SEMA5A: variants seen among roughly 807,000 people sequenced by gnomAD.
SEMA5A encodes semaphorin 5A.
SEMA5A carries 55 observed loss-of-function variants against 135.5 expected under a neutral mutation model. The observed-to-expected ratio is 0.41, with a 90% CI of 0.33 to 0.51. The LOEUF is 0.51. Among genes scored for constraint, SEMA5A ranks in the 20% least tolerant of loss-of-function variants. The pLI, the probability that SEMA5A is intolerant of heterozygous loss-of-function variation, is 0.37. For synonymous variants in SEMA5A, 580 were observed against 546.5 expected, an observed-to-expected ratio of 1.06 and a Z score of -0.85; for missense variants, 1,290 against 1,419.9, an observed-to-expected ratio of 0.91 and a Z score of 1.47.
Position 9,405,840 on chromosome 5 carries a change from G to A in SEMA5A, c.-77-25817C>T, listed in dbSNP as rs116128046. On this transcript the variant is annotated intron_variant, in intron 2 of 22. Transcript: ENST00000382496. The stretch of plus-strand genomic sequence containing the variant: ...ATATAGAAGGCATATGCAGGTAAAC[G>A]ATGTCTGTAACAGAGGTCACCAACT... Among the ~76,000 whole-genome samples the A allele has an allele frequency of 3.4e-3, 511 of 152,252 alleles. 5 individuals are homozygous for A. Among genetic ancestry groups the A allele is most frequent in the African/African-American group, 0.012 (498 of 41,540 alleles).
intron 16 of SEMA5A, among the ~76,000 whole-genome samples, chr5:9,078,163 A>G (rs1505061): frequency 1.3e-5 from 2 of 152,216 alleles, no homozygotes; most frequent in Non-Finnish European, 2.9e-5. Context: ...TCTTTTTCCT[A>G]GCAAATATCT....
At chr5:9,339,736 G>A (rs994560062) in intron 3 of SEMA5A, among the ~76,000 whole-genome samples, 3 of 152,130 alleles carry the variant, frequency 2.0e-5, no homozygotes, top group African/African-American at 7.2e-5. Flanking sequence ...GTTTGGACTT[G>A]ATTTCATATG....
At chr5:9,105,553 G>A (rs1739866057) in intron 16 of SEMA5A, among the ~76,000 whole-genome samples, 1 of 152,176 alleles carries the variant, frequency 6.6e-6, no homozygotes, top group Non-Finnish European at 1.5e-5. Context: ...CAGAGAAGCA[G>A]CTGAAGCCCA....
chr5:9,047,046 G>A (rs1158192126), intron 21 of SEMA5A, among the ~76,000 whole-genome samples: 2 of 152,152 alleles, frequency 1.3e-5, no homozygotes, highest in Non-Finnish European at 2.9e-5. Flanking sequence ...GACAGATAAA[G>A]TATCCAGGGG....
chr5:9,468,542 T>G (rs945628007), intron 1 of SEMA5A, among the ~76,000 whole-genome samples: 2 of 152,024 alleles, frequency 1.3e-5, no homozygotes, highest in African/African-American at 2.4e-5. Flanking sequence ...AAAATGGTAG[T>G]ATGTGAACTC....
chr5:9,489,132 A>C (rs1290388784), intron 1 of SEMA5A, among the ~76,000 whole-genome samples: 1 of 152,172 alleles, frequency 6.6e-6, no homozygotes, highest in African/African-American at 2.4e-5. Context: ...TGACACATAC[A>C]ACCATTACAT....
chr5:9,279,650 G>C (rs746063621), intron 5 of SEMA5A, among the ~76,000 whole-genome samples: 1 of 152,110 alleles, frequency 6.6e-6, no homozygotes, highest in Non-Finnish European at 1.5e-5. Context: ...TGGATCACAG[G>C]GGCAGATTTC....
intron 3 of SEMA5A, among the ~76,000 whole-genome samples, chr5:9,338,639 A>G (rs181345468): frequency 8.7e-4 from 132 of 152,322 alleles, no homozygotes; most frequent in Non-Finnish European, 1.6e-3. Flanking sequence ...ACAATTAACC[A>G]TAACATCTGA....
At chr5:9,225,075 CATCA>C (rs938244276) in intron 7 of SEMA5A, among the ~76,000 whole-genome samples, 188 bp from the exon 8 acceptor site, 154 of 152,190 alleles carry the variant, frequency 1.0e-3, no homozygotes, top group African/African-American at 3.3e-3. Flanking sequence ...TAAGACAGTC[CATCA>C]ATCAGTTTCT....
chr5:9,122,154 G>T (rs544405895), intron 14 of SEMA5A, among the ~76,000 whole-genome samples: 1 of 152,068 alleles, frequency 6.6e-6, no homozygotes, highest in Admixed American at 6.6e-5. Flanking sequence ...CACAGTAAGC[G>T]GAAGCAACAG....
At chr5:9,318,475 T>C in intron 4 of SEMA5A, 58 bp from the exon 5 acceptor site, 1 of 1,393,664 alleles carries the variant, frequency 7.2e-7, no homozygotes, top group Admixed American at 2.2e-5. Context: ...AAGTTAAGAG[T>C]TTATAAAAAT....
In SEMA5A at chr5:9,519,608, A is replaced by T. The variant is rs1016184247; in HGVS notation, c.-175+25976T>A. ...CTTGCCACTGAGCCCTCCATGTCTT[A>T]ATAGAAGGAAAAATTCCTTAGATAT... On this transcript the variant is annotated intron_variant, in intron 1 of 22. Coordinates refer to ENST00000382496, the MANE Select transcript of SEMA5A (RefSeq NM_003966.3). 5.9e-5 allele frequency among the ~76,000 whole-genome samples: 9 copies of T among 152,208 alleles called. No homozygotes were observed. The South Asian group carries it at 1.4e-3, about 25-fold the overall frequency.
intron 2 of SEMA5A, among the ~76,000 whole-genome samples, chr5:9,381,956 G>GTGTGTGTGTA (rs1265458248): frequency 1.6e-5 from 2 of 123,538 alleles, no homozygotes; most frequent in Non-Finnish European, 3.4e-5. Flanking sequence ...GTGTGTGTGT[G>GTGTGTGTGTA]TGTGTGTGTG....
intron 19 of SEMA5A, among the ~76,000 whole-genome samples, chr5:9,052,386 A>G (rs1736634009): frequency 6.6e-6 from 1 of 152,200 alleles, no homozygotes; most frequent in Non-Finnish European, 1.5e-5. Context: ...ATCAATGCAG[A>G]TGCCATTTTG....
At position 9,104,664 on chromosome 5, in the gene SEMA5A, G is replaced by GGA. The variant is rs374611104; in HGVS notation, c.2073+3474_2073+3475dup. Among the ~76,000 whole-genome samples, 134 of 152,248 alleles carry GGA rather than the reference G, an allele frequency of 8.8e-4. 2 individuals carry two copies. The highest frequency in any genetic ancestry group is 2.8e-3 in the African/African-American group (118 of 41,534). Reference sequence around the variant, plus strand: ...ATATTTCATTTGAAAACAACCATGTGGAGAAGTAGAACAGCAGGTCAAATC... The same window carrying GGA: ...ATATTTCATTTGAAAACAACCATGTGGAGAGAAGTAGAACAGCAGGTCAAATC... On this transcript the variant is annotated intron_variant, in intron 16 of 22. Coordinates refer to ENST00000382496, the MANE Select transcript of SEMA5A (RefSeq NM_003966.3).
At chr5:9,051,448 A>T (rs1363325730) in intron 20 of SEMA5A, among the ~76,000 whole-genome samples, 1 of 152,206 alleles carries the variant, frequency 6.6e-6, no homozygotes, top group Admixed American at 6.5e-5. Flanking sequence ...ATAATGATGC[A>T]TTTCTACCTT....
chr5:9,169,706 GGACT>G (rs1390008653), intron 11 of SEMA5A, among the ~76,000 whole-genome samples: 36 of 152,118 alleles, frequency 2.4e-4, no homozygotes, highest in African/African-American at 6.5e-4. Flanking sequence ...CCTCTAGTCA[GGACT>G]GACTATTCCT....
rs1747343276 is a variant in SEMA5A at position 9,226,901 on chromosome 5, T to G, written c.400A>C (p.Asn134His). ...TTGGTGCAGACAGGCGTGAATGCAT[T>G]GGTCCCACAGGTGAATAACCGGTCG... ...GGDRLFTCGT[N>H]AFTPVCTNRS... The change falls in exon 7 of 23, where the codon AAT becomes CAT. Residue 134 changes from asparagine to histidine, a missense_variant. Physicochemically the swap from Asn to His is moderately conservative, Grantham distance 68. This residue lies in a region of SEMA5A where 145 missense variants were observed against 212.0 expected (regional missense o/e 0.68). Coordinates refer to ENST00000382496, the MANE Select transcript of SEMA5A (RefSeq NM_003966.3). 1 of 1,596,776 alleles carries G rather than the reference T, an allele frequency of 6.3e-7. No homozygotes were observed. The highest frequency in any genetic ancestry group is 1.3e-5 in the African/African-American group (1 of 74,318).
intron 1 of SEMA5A, among the ~76,000 whole-genome samples, chr5:9,532,440 C>CTTTTTTTTT (rs4045370): frequency 5.1e-3 from 638 of 124,802 alleles, no homozygotes; most frequent in Non-Finnish European, 7.1e-3. Flanking sequence ...TAATTTTTTT[C>CTTTTTTTTT]TTTTTTTTTT....
Sources: gnomAD v4.1 joint callset for allele counts (sites outside exome capture counted in the v4.1 genomes callset) on GRCh38, gnomAD v4.1.1 for gene constraint, gnomAD v4.1.1 regional missense constraint, MANE v1.5 for transcripts, NCBI Gene and HGNC (gene_info 2026-07-23, HGNC 2026-07-21) for gene names.